WSCD2: variants seen among roughly 807,000 people sequenced by gnomAD.
WSCD2 encodes sialate:O-sulfotransferase 2.
In WSCD2, 28 loss-of-function variants were observed where a neutral mutation model predicts 55.7. The observed-to-expected ratio is 0.50, with a 90% confidence interval of 0.37 to 0.69. The LOEUF is 0.69. Among genes scored for constraint, WSCD2 ranks in the 30% least tolerant of loss-of-function variants. The probability of loss-of-function intolerance (pLI) is 0.00; values close to 1 mark genes in which losing one functional copy is unlikely to be tolerated. For synonymous variants in WSCD2, 301 were observed against 301.9 expected, an observed-to-expected ratio of 1.00 and a Z score of 0.03; for missense variants, 616 against 762.1, an observed-to-expected ratio of 0.81 and a Z score of 2.26.
intron 1 of WSCD2, among the ~76,000 whole-genome samples, chr12:108,182,112 G>C (rs1313636983): frequency 6.6e-6 from 1 of 152,138 alleles, no homozygotes; most frequent in Non-Finnish European, 1.5e-5. Flanking sequence ...CAGAAACACA[G>C]ATCTGCAAAA....
rs144413267 is a variant in WSCD2, at chr12:108,221,942, C to T, written c.683-2797C>T. ...CCCAGAAAGCTAAGACAGCAGGAGT[C>T]TGGGGGATGCCTTGGAAATTCATCA... On this transcript the variant is annotated intron_variant, in intron 4 of 8. Transcript: ENST00000547525. Among the ~76,000 whole-genome samples, 549 of 152,292 alleles carry T rather than the reference C, an allele frequency of 3.6e-3. 8 individuals are homozygous for T. The highest frequency in any genetic ancestry group is 0.013 in the African/African-American group (528 of 41,564).
At chr12:108,209,824 C>G (rs1885887003) in intron 3 of WSCD2, among the ~76,000 whole-genome samples, 2 of 152,054 alleles carry the variant, frequency 1.3e-5, no homozygotes, top group Admixed American at 6.5e-5. Context: ...CTCCCCTGCC[C>G]TCTTTCCAGG....
intron 1 of WSCD2, among the ~76,000 whole-genome samples, chr12:108,168,523 C>T (rs1474640623): frequency 9.8e-6 from 1 of 102,498 alleles, no homozygotes; most frequent in East Asian, 4.8e-4. Flanking sequence ...AGTTCAAATC[C>T]TAGTTATTCC....
intron 1 of WSCD2, among the ~76,000 whole-genome samples, chr12:108,131,408 A>G (rs1196929558): frequency 6.6e-6 from 1 of 152,246 alleles, no homozygotes; most frequent in African/African-American, 2.4e-5. Flanking sequence ...AGAATTTAAG[A>G]GACCTAGGTC....
chr12:108,245,638 G>A (rs1037160934), intron 8 of WSCD2, among the ~76,000 whole-genome samples: 5 of 152,184 alleles, frequency 3.3e-5, no homozygotes, highest in African/African-American at 7.2e-5. Flanking sequence ...GACAAGCACC[G>A]TCTCTATCAC....
chr12:108,236,247 G>A (rs1400260496), intron 7 of WSCD2, among the ~76,000 whole-genome samples: 1 of 152,196 alleles, frequency 6.6e-6, no homozygotes, highest in East Asian at 1.9e-4. Context: ...TGCTCTGTGA[G>A]AAGCATGTAT....
chr12:108,167,333 C>G (rs2136958270), intron 1 of WSCD2: 1 of 152,300 alleles, frequency 6.6e-6, no homozygotes, highest in South Asian at 2.1e-4. Flanking sequence ...AGAACTTACT[C>G]TGCCTCTTGG....
rs371262161 is a variant in WSCD2, at chr12:108,222,992, T to C, written c.683-1747T>C. On this transcript the variant is annotated intron_variant, in intron 4 of 8. Coordinates refer to ENST00000547525, the MANE Select transcript of WSCD2 (RefSeq NM_014653.4). ...GGAGCTGGCAAGTCCGAAATTCATA[T>C]GGCAGGCCAGCAGACTGGAAACTCA... Among the ~76,000 whole-genome samples the C allele has an allele frequency of 9.2e-4, 140 of 152,356 alleles. 3 individuals are homozygous for C. The South Asian group carries it at 0.028, about 30-fold the overall frequency.
intron 1 of WSCD2, among the ~76,000 whole-genome samples, chr12:108,137,190 A>G (rs922207630): frequency 2.0e-5 from 3 of 152,262 alleles, no homozygotes; most frequent in Non-Finnish European, 2.9e-5. Context: ...TGGGACAGGT[A>G]GAAAAGCTAG....
chr12:108,238,696 T>TATCC (rs1245040909), intron 7 of WSCD2, among the ~76,000 whole-genome samples: 2 of 152,204 alleles, frequency 1.3e-5, no homozygotes, highest in Non-Finnish European at 2.9e-5. Flanking sequence ...GGTGACATGA[T>TATCC]ATCCAGAATG....
intron 1 of WSCD2, among the ~76,000 whole-genome samples, chr12:108,190,431 C>G (rs536447696): frequency 6.6e-6 from 1 of 152,174 alleles, no homozygotes; most frequent in Admixed American, 6.5e-5. Flanking sequence ...CTCTGCCCCC[C>G]AAGTCAGGTG....
chr12:108,207,533 CTTTT>C (rs35090663), intron 3 of WSCD2, among the ~76,000 whole-genome samples: 10 of 53,622 alleles, frequency 1.9e-4, no homozygotes, highest in Admixed American at 2.4e-4. Context: ...CCATGCCTGG[CTTTT>C]TTTTTTTTTT....
At chr12:108,232,399 C>T (rs1464641123) in intron 6 of WSCD2, among the ~76,000 whole-genome samples, 1 of 152,072 alleles carries the variant, frequency 6.6e-6, no homozygotes, top group Non-Finnish European at 1.5e-5. Context: ...GAAAGACTTG[C>T]TCTGCTGGGG....
chr12:108,224,782 C>A lies in WSCD2; in HGVS notation c.726C>A (p.Asn242Lys), dbSNP rs1452409101. ...GGGGCTGCTTCCGCAGGCCCGACAA[C>A]CTTTCCCTGGCCTTACCCGTGACAG... Reference protein sequence around the residue: ...VFRGCFRRPDNLSLALPVTAA... With the variant: ...VFRGCFRRPDKLSLALPVTAA... Residue 242 changes from asparagine (N) to lysine (K), a missense_variant, in exon 5 of 9, where the codon AAC becomes AAA. Asn to Lys is a moderately conservative substitution (Grantham distance 94). Transcript: ENST00000547525. 3.7e-6 allele frequency: 6 copies of A among 1,613,544 alleles called. No homozygotes were observed. The highest frequency in any genetic ancestry group is 5.1e-6 in the Non-Finnish European group (6 of 1,180,048).
At chr12:108,186,927 G>C (rs757385952) in intron 1 of WSCD2, among the ~76,000 whole-genome samples, 3 of 151,984 alleles carry the variant, frequency 2.0e-5, no homozygotes, top group Non-Finnish European at 1.5e-5. Flanking sequence ...AGTCTTTCTC[G>C]GGTCCTTTGT....
At chr12:108,161,699 C>G (rs1200391284) in intron 1 of WSCD2, among the ~76,000 whole-genome samples, 1 of 152,206 alleles carries the variant, frequency 6.6e-6, no homozygotes, top group Non-Finnish European at 1.5e-5. Flanking sequence ...TAGCACAGAG[C>G]CCGGCACAAA....
At chr12:108,158,408 A>G (rs556133933) in intron 1 of WSCD2, among the ~76,000 whole-genome samples, 2 of 130,816 alleles carry the variant, frequency 1.5e-5, no homozygotes, top group South Asian at 5.2e-4. Flanking sequence ...GTGAAATACA[A>G]CCTGGCGTTA....
intron 2 of WSCD2, among the ~76,000 whole-genome samples, chr12:108,199,973 G>T (rs1489871127): frequency 1.3e-5 from 2 of 152,166 alleles, no homozygotes; most frequent in African/African-American, 4.8e-5. Context: ...CTGTAATTTT[G>T]CAGGAGAAAA....
rs1006666502 is a variant in WSCD2 at position 108,195,790 on chromosome 12, A to G, written c.-43A>G. 1 of 1,556,018 alleles carries G rather than the reference A, an allele frequency of 6.4e-7. No homozygotes were observed. The highest frequency in any genetic ancestry group is 8.7e-7 in the Non-Finnish European group (1 of 1,149,734). On this transcript the variant is annotated 5_prime_UTR_variant, in exon 2 of 9. Transcript: ENST00000547525. The stretch of plus-strand genomic sequence containing the variant: ...AAGCCCCTTCCATCCTCTCCCAAGC[A>G]CCCCAGCCAAGCCCCAGAGAGCCAG...
Sources: allele counts gnomAD v4.1 joint callset (sites outside exome capture counted in the v4.1 genomes callset), GRCh38; gene constraint gnomAD v4.1.1; transcripts MANE v1.5; gene names NCBI Gene and HGNC (gene_info 2026-07-23, HGNC 2026-07-21).